The following DNAJC8 variants were observed in gnomAD, a reference collection of about 807,000 sequenced individuals.
DNAJC8 encodes the protein dnaJ homolog subfamily C member 8.
DNAJC8 carries 24 observed loss-of-function variants against 43.2 expected under a neutral mutation model. The ratio of observed to expected loss-of-function variants is 0.56; its 90% CI spans 0.40 to 0.78. DNAJC8 has a LOEUF of 0.78. DNAJC8 is among the 30% of genes least tolerant of loss of function. DNAJC8 has a pLI of 0.00. For synonymous variants in DNAJC8, 83 were observed against 98.0 expected (o/e 0.85, Z 0.90); for missense variants, 207 against 299.4 (o/e 0.69, Z 2.28).
intron 2 of DNAJC8, among the ~76,000 whole-genome samples, chr1:28,226,879 A>G (rs1166083332): frequency 6.6e-6 from 1 of 151,208 alleles, no homozygotes; most frequent in Non-Finnish European, 1.5e-5. Flanking sequence ...AATGTAATTT[A>G]TAATAAAATT....
intron 2 of DNAJC8, among the ~76,000 whole-genome samples, chr1:28,224,989 G>A (rs1468674275): frequency 2.0e-5 from 3 of 151,032 alleles, no homozygotes; most frequent in Admixed American, 6.6e-5. Flanking sequence ...GAGCCCAGGA[G>A]TTCGAGGTTG....
In DNAJC8 at chr1:28,203,822, C is replaced by A. The variant is rs753573412; in HGVS notation, c.564G>T (p.Arg188Ser). The A allele has an allele frequency of 6.2e-7, 1 of 1,614,086 alleles. No individual in the cohort carries two copies. Among genetic ancestry groups the A allele is most frequent in the Non-Finnish European group, 8.5e-7 (1 of 1,179,998 alleles). The change falls in exon 8 of 9, where the codon AGG (arginine) becomes AGT (serine). Residue 188 changes from arginine (R) to serine (S), a missense_variant and splice_region_variant. By Grantham distance (110) the Arg-to-Ser change is moderately radical. This residue lies in a region of DNAJC8 where 159 missense variants were observed against 267.5 expected (regional missense o/e 0.59). Transcript: ENST00000263697. ...CAATCTCTTCTTCCCTTTGTCGTTT[C>A]CTAGGAGGAAAACCAGATCATAGTA... is the stretch of plus-strand genomic sequence containing the variant. ...KEREAKEMHE[R>S]KRQREEEIEA...
chr1:28,210,464 T>G, intron 4 of DNAJC8, 107 bp downstream of exon 4: 3 of 974,244 alleles, frequency 3.1e-6, no homozygotes, highest in Middle Eastern at 2.9e-4. Flanking sequence ...AGCTTCTTGG[T>G]GACCAGAAGA....
At chr1:28,214,570 A>C (rs1017911888) in intron 3 of DNAJC8, among the ~76,000 whole-genome samples, 1 of 152,050 alleles carries the variant, frequency 6.6e-6, no homozygotes, top group Non-Finnish European at 1.5e-5. Context: ...AAAATTACAG[A>C]CAAATGGAGT....
At chr1:28,221,761 A>AT (rs1344804499) in intron 2 of DNAJC8, among the ~76,000 whole-genome samples, 1 of 152,196 alleles carries the variant, frequency 6.6e-6, no homozygotes, top group Non-Finnish European at 1.5e-5. Flanking sequence ...CCCCAAAATC[A>AT]TATCAAAAGT....
chr1:28,203,177 A>G (rs1362046701), intron 8 of DNAJC8, among the ~76,000 whole-genome samples: 1 of 152,142 alleles, frequency 6.6e-6, no homozygotes, highest in Admixed American at 6.6e-5. Context: ...CAAAGTCATC[A>G]ACTCTGATTA....
intron 3 of DNAJC8, among the ~76,000 whole-genome samples, chr1:28,214,589 T>G (rs577988931): frequency 1.3e-5 from 2 of 152,050 alleles, no homozygotes; most frequent in African/African-American, 2.4e-5. Context: ...GTCTTAAAGA[T>G]AAAAATGTGC....
chr1:28,210,480 C>A, intron 4 of DNAJC8, 91 bp downstream of exon 4: 1 of 1,181,616 alleles, frequency 8.5e-7, no homozygotes, highest in Non-Finnish European at 1.2e-6. Flanking sequence ...GAAGACAAAA[C>A]TATAACAGTC....
intron 2 of DNAJC8, among the ~76,000 whole-genome samples, chr1:28,219,136 A>T (rs1252047322): frequency 6.6e-6 from 1 of 152,072 alleles, no homozygotes. Context: ...TGCTGTGTGT[A>T]TTTGGGGATT....
At chr1:28,232,179 G>C (rs1273421459) in intron 1 of DNAJC8, among the ~76,000 whole-genome samples, 1 of 151,958 alleles carries the variant, frequency 6.6e-6, no homozygotes, top group Non-Finnish European at 1.5e-5. Context: ...GGTTCCTCCC[G>C]CCTGGGCCTC....
intron 1 of DNAJC8, among the ~76,000 whole-genome samples, chr1:28,230,945 C>T (rs1315584320): frequency 1.3e-5 from 2 of 152,262 alleles, no homozygotes; most frequent in African/African-American, 2.4e-5. Flanking sequence ...CTCCATTCCT[C>T]AAACCCATGC....
intron 2 of DNAJC8, among the ~76,000 whole-genome samples, chr1:28,215,346 G>A (rs1001277240): frequency 4.6e-5 from 7 of 151,668 alleles, no homozygotes; most frequent in African/African-American, 7.3e-5. Context: ...TGCAAATGTC[G>A]AGAAACCGTA....
intron 7 of DNAJC8, among the ~76,000 whole-genome samples, chr1:28,204,379 GAGACC>G (rs1284047441): frequency 2.0e-5 from 3 of 152,060 alleles, no homozygotes; most frequent in Non-Finnish European, 4.4e-5. Context: ...TCAGGAGTTC[GAGACC>G]AGCCTGACCA....
chr1:28,225,177 T>C (rs1325060835), intron 2 of DNAJC8, among the ~76,000 whole-genome samples: 1 of 151,352 alleles, frequency 6.6e-6, no homozygotes, highest in Non-Finnish European at 1.5e-5. Context: ...ATGATTTACA[T>C]AGTAACAATG....
intron 2 of DNAJC8, among the ~76,000 whole-genome samples, chr1:28,220,206 A>C (rs2149021341): frequency 6.6e-6 from 1 of 152,350 alleles, no homozygotes; most frequent in South Asian, 2.1e-4. Flanking sequence ...ATATCAGAAC[A>C]AATATTCACT....
At chr1:28,203,970 G>A in intron 7 of DNAJC8, 148 bp from the exon 8 acceptor site, 2 of 742,244 alleles carry the variant, frequency 2.7e-6, no homozygotes, top group Non-Finnish European at 4.5e-6. Flanking sequence ...AGGGCTCATA[G>A]CATTTTCATG....
At chr1:28,208,545 G>C (rs1017514746) in intron 5 of DNAJC8, 132 bp from the exon 6 acceptor site, 1 of 415,440 alleles carries the variant, frequency 2.4e-6, no homozygotes, top group Admixed American at 4.4e-5. Context: ...AAAAAAAAAA[G>C]AGCCCCTCCC....
intron 3 of DNAJC8, 143 bp downstream of exon 3, chr1:28,214,797 G>T: frequency 1.9e-6 from 1 of 521,948 alleles, no homozygotes; most frequent in Non-Finnish European, 3.4e-6. Context: ...ATTATTATGA[G>T]CTTTTTTTTA....
rs1158607315 is a variant in DNAJC8 at position 28,232,274 on chromosome 1, G to C, written c.78+647C>G. ...CTGAGATTCTGACTCCAAACGGCAT[G>C]CTTTTATTTCATTTATTCATTCATT... On this transcript the variant is annotated intron_variant, in intron 1 of 8. Coordinates refer to ENST00000263697, the MANE Select transcript of DNAJC8 (RefSeq NM_014280.3). Among the ~76,000 whole-genome samples, 4 of 152,234 alleles carry C rather than the reference G, an allele frequency of 2.6e-5. No individual in the cohort carries two copies. In the East Asian group the frequency reaches 7.7e-4, roughly 29 times the overall value.
Sources: gnomAD v4.1 joint callset for allele counts (sites outside exome capture counted in the v4.1 genomes callset) on GRCh38, gnomAD v4.1.1 for gene constraint, gnomAD v4.1.1 regional missense constraint, MANE v1.5 for transcripts, NCBI Gene and HGNC (gene_info 2026-07-23, HGNC 2026-07-21) for gene names.